The following COL11A1 variants were observed in gnomAD, a reference collection of about 807,000 sequenced individuals.
COL11A1 encodes the protein collagen alpha-1(XI) chain.
COL11A1 carries 74 observed loss-of-function variants against 265.2 expected under a neutral mutation model. That is an observed-to-expected ratio of 0.28 (90% confidence interval 0.23 to 0.34). The LOEUF is 0.34. Among genes scored for constraint, COL11A1 ranks in the 10% least tolerant of loss-of-function variants. The pLI is 1.00. For synonymous variants in COL11A1, 816 were observed against 727.6 expected, an observed-to-expected ratio of 1.12 and a Z score of -1.96; for missense variants, 2,165 against 2,263.6, an observed-to-expected ratio of 0.96 and a Z score of 0.88.
intron 62 of COL11A1, among the ~76,000 whole-genome samples, chr1:102,887,616 C>T (rs999131379): frequency 1.3e-5 from 2 of 152,088 alleles, no homozygotes; most frequent in Admixed American, 6.6e-5. Context: ...AGAGCTATAT[C>T]AAATAGTTAT....
At chr1:102,996,234 C>T (rs1240542181) in intron 26 of COL11A1, among the ~76,000 whole-genome samples, 192 bp from the exon 27 acceptor site, 2 of 152,064 alleles carry the variant, frequency 1.3e-5, no homozygotes, top group Non-Finnish European at 2.9e-5. Flanking sequence ...ACTAGCACTA[C>T]TCACTCCAAA....
intron 46 of COL11A1, among the ~76,000 whole-genome samples, chr1:102,926,851 G>A (rs1363885071): frequency 2.6e-5 from 4 of 152,014 alleles, no homozygotes; most frequent in Non-Finnish European, 2.9e-5. Flanking sequence ...AAATATGTAT[G>A]CTTCACACAC....
chr1:103,035,119 TG>T (rs945432429), intron 4 of COL11A1, among the ~76,000 whole-genome samples: 5 of 152,120 alleles, frequency 3.3e-5, no homozygotes, highest in African/African-American at 1.2e-4. Flanking sequence ...TCTCACTTTT[TG>T]CTAGGTAGAT....
chr1:102,970,048 A>G (rs1267786536), intron 37 of COL11A1, among the ~76,000 whole-genome samples, 171 bp downstream of exon 37: 1 of 148,628 alleles, frequency 6.7e-6, no homozygotes, highest in African/African-American at 2.6e-5. Flanking sequence ...TCTTGTATCT[A>G]TTTTTGTATT....
intron 63 of COL11A1, among the ~76,000 whole-genome samples, chr1:102,885,142 C>A (rs1023288257): frequency 5.3e-5 from 8 of 152,266 alleles, no homozygotes; most frequent in Admixed American, 1.3e-4. Context: ...GCTGTCCCTG[C>A]CTTATCGAAC....
chr1:102,916,047 T>G (rs984113487), intron 49 of COL11A1, among the ~76,000 whole-genome samples: 1 of 152,200 alleles, frequency 6.6e-6, no homozygotes, highest in African/African-American at 2.4e-5. Flanking sequence ...GAGTGAACAC[T>G]TTCAAATTGT....
chr1:102,945,014 C>T (rs969710699), intron 42 of COL11A1, among the ~76,000 whole-genome samples: 1 of 152,114 alleles, frequency 6.6e-6, no homozygotes, highest in African/African-American at 2.4e-5. Context: ...CCCATTCCAA[C>T]ATTCTAACTC....
In COL11A1 at chr1:103,003,261, C is replaced by G. The variant is rs763512720; in HGVS notation, c.1952G>C (p.Arg651Pro). 3 of 1,612,650 alleles carry G rather than the reference C, an allele frequency of 1.9e-6. No homozygotes were observed. The highest frequency in any genetic ancestry group is 2.5e-6 in the Non-Finnish European group (3 of 1,179,694). The change falls in exon 21 of 67, where the codon CGA becomes CCA. Residue 651 changes from arginine to proline, a missense_variant. Transcript: ENST00000370096. ...PRGLPGEAGP[R>P]GLLGPRGTPG... is the part of the protein sequence containing the mutation. The stretch of plus-strand genomic sequence containing the variant: ...AGTTCCCCTTGGACCCAGCAAACCT[C>G]GTGGGCCCTAGGAGAAAAAGAAAAA...
intron 35 of COL11A1, among the ~76,000 whole-genome samples, chr1:102,978,049 G>C (rs1489137672): frequency 2.0e-5 from 3 of 151,912 alleles, no homozygotes; most frequent in African/African-American, 7.2e-5. Flanking sequence ...AATTATTATA[G>C]AATATGAAGA....
chr1:103,011,203 C>T (rs1003868503), intron 14 of COL11A1, among the ~76,000 whole-genome samples: 5 of 151,970 alleles, frequency 3.3e-5, no homozygotes, highest in South Asian at 2.1e-4. Context: ...TTTCATAATA[C>T]ACTAACATAC....
chr1:102,885,969 A>G (rs550128589), intron 63 of COL11A1, among the ~76,000 whole-genome samples: 15 of 152,038 alleles, frequency 9.9e-5, no homozygotes, highest in Non-Finnish European at 2.1e-4. Flanking sequence ...CTGTTTCTGA[A>G]CTACACTGAA....
intron 4 of COL11A1, among the ~76,000 whole-genome samples, chr1:103,053,367 G>A (rs781589108): frequency 6.6e-6 from 1 of 152,050 alleles, no homozygotes; most frequent in Non-Finnish European, 1.5e-5. Flanking sequence ...CAATACAATG[G>A]TGCTGATCTG....
intron 4 of COL11A1, among the ~76,000 whole-genome samples, chr1:103,038,908 G>A (rs940455056): frequency 2.6e-5 from 4 of 152,146 alleles, no homozygotes; most frequent in African/African-American, 9.7e-5. Context: ...TGCTGATGAT[G>A]GAGTGAGACG....
Position 102,995,984 on chromosome 1 carries a change from G to A in COL11A1, c.2295+5C>T, listed in dbSNP as rs369103119. On this transcript the variant is annotated splice_donor_5th_base_variant and intron_variant, in intron 27 of 66. Coordinates refer to ENST00000370096, the MANE Select transcript of COL11A1 (RefSeq NM_001854.4). ...GTAAATAATGTGAAAACAATTTAACGTTACCTTTACTCCCCGGGGGCCCGG... is the reference window on the plus strand; with the variant it reads ...GTAAATAATGTGAAAACAATTTAACATTACCTTTACTCCCCGGGGGCCCGG... The A allele has an allele frequency of 1.5e-5, 25 of 1,613,104 alleles. No homozygotes were observed. The highest frequency in any genetic ancestry group is 8.0e-5 in the African/African-American group (6 of 74,876).
rs760330151 is a variant in COL11A1 at position 103,021,752 on chromosome 1, T to C, written c.1263A>G (p.Ala421=). The change falls in exon 9 of 67, where the codon GCA becomes GCG. Residue 421 remains alanine (A), a synonymous_variant. Transcript: ENST00000370096. ...ITETSINGHG[A]YGEKGQKGEP... ...CTCCTTTCTGTCCTTTCTCTCCATATGCACCATGGCCATTTATCTGTTGAA... is the reference window on the plus strand; with the variant it reads ...CTCCTTTCTGTCCTTTCTCTCCATACGCACCATGGCCATTTATCTGTTGAA... 34 of 1,611,720 alleles carry C rather than the reference T, an allele frequency of 2.1e-5. No homozygotes were observed. In the Middle Eastern group the frequency reaches 6.6e-4, roughly 31 times the overall value.
At chr1:102,891,859 G>A (rs914157531) in intron 57 of COL11A1, among the ~76,000 whole-genome samples, 9 of 151,472 alleles carry the variant, frequency 5.9e-5, no homozygotes, top group African/African-American at 2.2e-4. Flanking sequence ...CTCCTGCATG[G>A]GTGACAGAGG....
chr1:103,091,348 G>C (rs1430536458), intron 1 of COL11A1, among the ~76,000 whole-genome samples: 2 of 151,826 alleles, frequency 1.3e-5, no homozygotes, highest in East Asian at 3.9e-4. Flanking sequence ...TATTTGAAAA[G>C]ATACAGAAGT....
chr1:103,027,399 ATATATATATATATATATATATATATAT>A (rs1667615485), intron 5 of COL11A1, among the ~76,000 whole-genome samples: 3 of 18,006 alleles, frequency 1.7e-4, no homozygotes, highest in African/African-American at 2.1e-4. Context: ...AAACTCTAAT[ATATATATATATATATATATATATATAT>A]ATATATATAT....
chr1:102,920,963 A>G (rs994536752), intron 48 of COL11A1, among the ~76,000 whole-genome samples: 1 of 152,152 alleles, frequency 6.6e-6, no homozygotes, highest in Admixed American at 6.6e-5. Context: ...AAAGCCATGG[A>G]TCCATTAATG....
Sources: gnomAD v4.1 joint callset for allele counts (sites outside exome capture counted in the v4.1 genomes callset) on GRCh38, gnomAD v4.1.1 for gene constraint, MANE v1.5 for transcripts, NCBI Gene and HGNC (gene_info 2026-07-23, HGNC 2026-07-21) for gene names.